Variants in MSI2 observed in about 807,000 individuals in gnomAD.
MSI2 encodes the protein musashi RNA binding protein 2.
In MSI2, 17 loss-of-function variants were observed where a neutral mutation model predicts 45.6. The ratio of observed to expected loss-of-function variants is 0.37; its 90% CI spans 0.26 to 0.56. MSI2 has a LOEUF of 0.56. Among genes scored for constraint, MSI2 ranks in the 20% least tolerant of loss-of-function variants. The pLI is 0.77. For synonymous variants in MSI2, 156 were observed against 158.2 expected, an observed-to-expected ratio of 0.99 and a Z score of 0.11; for missense variants, 293 against 444.2, an observed-to-expected ratio of 0.66 and a Z score of 3.06.
chr17:57,364,176 A>G (rs1427229913), intron 5 of MSI2, among the ~76,000 whole-genome samples: 1 of 152,228 alleles, frequency 6.6e-6, no homozygotes, highest in Non-Finnish European at 1.5e-5. Flanking sequence ...TGTGAGACAC[A>G]ATAAAAGAAC....
At chr17:57,643,648 C>T (rs1220078967) in intron 10 of MSI2, among the ~76,000 whole-genome samples, 1 of 152,254 alleles carries the variant, frequency 6.6e-6, no homozygotes, top group African/African-American at 2.4e-5. Context: ...TCCACAAAGC[C>T]ATTCATCCAG....
chr17:57,515,884 G>A (rs2143971789), intron 6 of MSI2, among the ~76,000 whole-genome samples: 1 of 152,228 alleles, frequency 6.6e-6, no homozygotes, highest in East Asian at 1.9e-4. Context: ...GAGCCCCCTT[G>A]TGGTTTCTTT....
intron 5 of MSI2, among the ~76,000 whole-genome samples, chr17:57,367,230 G>T (rs536009198): frequency 2.0e-4 from 31 of 152,136 alleles, no homozygotes; most frequent in Non-Finnish European, 3.5e-4. Context: ...GAGGGGAATG[G>T]CTTCACGCTT....
intron 6 of MSI2, among the ~76,000 whole-genome samples, chr17:57,427,299 G>A (rs1238814373): frequency 1.3e-5 from 2 of 152,188 alleles, no homozygotes; most frequent in African/African-American, 2.4e-5. Flanking sequence ...TTGGGAGGCT[G>A]AGGCAGGAGA....
chr17:57,463,718 C>T (rs1165685773), intron 6 of MSI2, among the ~76,000 whole-genome samples: 2 of 150,862 alleles, frequency 1.3e-5, no homozygotes, highest in African/African-American at 2.4e-5. Context: ...CAGCCCCCTG[C>T]TCTGCCCCTG....
At chr17:57,352,094 G>A (rs754992305) in intron 5 of MSI2, among the ~76,000 whole-genome samples, 17 of 152,304 alleles carry the variant, frequency 1.1e-4, no homozygotes, top group African/African-American at 1.7e-4. Flanking sequence ...CAGGAAAGTC[G>A]GCCTTTCCTA....
At chr17:57,554,179 A>G (rs900216220) in intron 7 of MSI2, among the ~76,000 whole-genome samples, 8 of 151,942 alleles carry the variant, frequency 5.3e-5, no homozygotes, top group African/African-American at 1.5e-4. Context: ...CAGGCGAAAC[A>G]AGAACGACAC....
At chr17:57,257,064 C>A in intron 1 of MSI2, 34 bp from the exon 2 acceptor site, 3 of 1,400,324 alleles carry the variant, frequency 2.1e-6, no homozygotes, top group Non-Finnish European at 2.9e-6. Flanking sequence ...GATCTGACAT[C>A]GGTGCTCACT....
chr17:57,694,821 C>T, the MSI2 span, among the ~76,000 whole-genome samples: 1 of 152,178 alleles, frequency 6.6e-6, no homozygotes, highest in Admixed American at 6.5e-5. Context: ...CAGTCCCAGA[C>T]CTCTGGTTGC....
At position 57,345,050 on chromosome 17, in the gene MSI2, G is replaced by A. The variant is rs541863452; in HGVS notation, c.313-56329G>A. On this transcript the variant is annotated intron_variant, in intron 5 of 13. Coordinates refer to ENST00000284073, the MANE Select transcript of MSI2 (RefSeq NM_138962.4). ...TGTACTCCAGCCTGGGCGACAGGGC[G>A]AGACTCCGTCTCAAAAAAAAAAGGC... Among the ~76,000 whole-genome samples the A allele has an allele frequency of 2.8e-4, 42 of 152,102 alleles. 1 individual carries two copies. In the South Asian group the frequency reaches 5.8e-3, roughly 21 times the overall value.
chr17:57,328,869 G>A (rs1914037694), intron 5 of MSI2, among the ~76,000 whole-genome samples: 1 of 152,048 alleles, frequency 6.6e-6, no homozygotes, highest in Admixed American at 6.6e-5. Context: ...CATTTTGGTG[G>A]TTTATGTGGC....
the MSI2 span, among the ~76,000 whole-genome samples, chr17:57,696,579 T>G: frequency 0.011 from 1,657 of 151,978 alleles, 24 homozygotes; most frequent in African/African-American, 0.037. Flanking sequence ...TACAAAAAAA[T>G]TAAAAATTAA....
At chr17:57,322,822 CAG>C (rs981775295) in intron 5 of MSI2, among the ~76,000 whole-genome samples, 1 of 152,148 alleles carries the variant, frequency 6.6e-6, no homozygotes. Flanking sequence ...GTTTTCAAGA[CAG>C]AAAGCCCAGC....
At chr17:57,626,322 C>T (rs1425350177) in intron 9 of MSI2, 1 of 152,162 alleles carries the variant, frequency 6.6e-6, no homozygotes, top group Non-Finnish European at 1.5e-5. Context: ...CTTCATTTAG[C>T]CTGAATCAGG....
chr17:57,686,899 T>A (rs4793894), downstream of MSI2, among the ~76,000 whole-genome samples: 21,731 of 152,116 alleles, frequency 0.14, 2,156 homozygotes, highest in East Asian at 0.49. Flanking sequence ...GTAAACCTGA[T>A]CTGATGGCTC....
chr17:57,507,442 C>CT (rs1158234502), intron 6 of MSI2, among the ~76,000 whole-genome samples: 13 of 152,170 alleles, frequency 8.5e-5, no homozygotes, highest in African/African-American at 2.9e-4. Flanking sequence ...TATTCAGACT[C>CT]TAGCATTTTC....
intron 6 of MSI2, among the ~76,000 whole-genome samples, chr17:57,433,855 C>T (rs1373971645): frequency 1.3e-5 from 2 of 152,088 alleles, no homozygotes; most frequent in Non-Finnish European, 2.9e-5. Flanking sequence ...CTGTTCCTAA[C>T]CAGTGTTTTT....
chr17:57,349,374 G>A (rs1184768150), intron 5 of MSI2, among the ~76,000 whole-genome samples: 2 of 152,178 alleles, frequency 1.3e-5, no homozygotes, highest in Admixed American at 1.3e-4. Flanking sequence ...GAACACTCAC[G>A]GAGAACGAAT....
intron 6 of MSI2, among the ~76,000 whole-genome samples, chr17:57,502,636 T>TAGATATATATATATATATATATAG (rs1439981218): frequency 1.0e-5 from 1 of 96,904 alleles, no homozygotes; most frequent in Non-Finnish European, 2.1e-5. Flanking sequence ...TATATATATA[T>TAGATATATATATATATATATATAG]AGTCATCATT....
Sources: allele counts gnomAD v4.1 joint callset (sites outside exome capture counted in the v4.1 genomes callset), GRCh38; gene constraint gnomAD v4.1.1; transcripts MANE v1.5; gene names NCBI Gene and HGNC (gene_info 2026-07-23, HGNC 2026-07-21).